ECPAS: variants seen among roughly 807,000 people sequenced by gnomAD.
ECPAS encodes the protein Ecm29 proteasome adaptor and scaffold.
A neutral mutation model predicts 255.1 loss-of-function variants in ECPAS; 70 were observed. The observed-to-expected ratio is 0.27, with a 90% confidence interval of 0.23 to 0.33. The LOEUF (loss-of-function observed/expected upper bound fraction) is 0.33. Among genes scored for constraint, ECPAS ranks in the 10% least tolerant of loss-of-function variants. ECPAS has a pLI of 1.00. For missense variants in ECPAS, 1,817 were observed against 2,206.4 expected, an observed-to-expected ratio of 0.82 and a Z score of 3.54; for synonymous variants, 784 against 775.0, an observed-to-expected ratio of 1.01 and a Z score of -0.19.
intron 48 of ECPAS, 115 bp from the exon 49 acceptor site, chr9:111,363,774 T>C (rs2297526): frequency 0.11 from 69,397 of 611,984 alleles, 5,820 homozygotes; most frequent in East Asian, 0.29. Context: ...GGGAAGGGTA[T>C]ATCTGATTTT....
chr9:111,382,839 C>A (rs921884569), intron 35 of ECPAS, among the ~76,000 whole-genome samples: 1 of 152,188 alleles, frequency 6.6e-6, no homozygotes, highest in African/African-American at 2.4e-5. Context: ...CGTGTAAGTA[C>A]ATTTTTTGAA....
chr9:111,404,813 CA>C (rs35277070), intron 24 of ECPAS, among the ~76,000 whole-genome samples: 1,494 of 52,808 alleles, frequency 0.028, 8 homozygotes, highest in Non-Finnish European at 0.038. Flanking sequence ...TAATAGCTAC[CA>C]AAAAAAAAAA....
chr9:111,391,694 G>T, intron 29 of ECPAS, 62 bp downstream of exon 29: 1 of 1,024,692 alleles, frequency 9.8e-7, no homozygotes. Flanking sequence ...CTATTTACCA[G>T]ACTAATAAAT....
chr9:111,433,222 G>C lies in ECPAS; in HGVS notation c.848+11C>G, dbSNP rs778153661. ...CCTTTCAATCTTGAAAGTTTACAGG[G>C]AAGTAGTTACCTCTGTTTGCTTTTC... On this transcript the variant is annotated intron_variant, in intron 8 of 49. Coordinates refer to ENST00000684092, the MANE Select transcript of ECPAS (RefSeq NM_001364929.1). 6.2e-7 allele frequency: 1 copy of C among 1,612,224 alleles called. No homozygotes were observed. The highest frequency in any genetic ancestry group is 1.7e-5 in the Admixed American group (1 of 59,912).
chr9:111,466,251 G>C (rs561114077), intron 2 of ECPAS, among the ~76,000 whole-genome samples: 47 of 152,132 alleles, frequency 3.1e-4, no homozygotes, highest in African/African-American at 1.1e-3. Context: ...TTCAAGACCA[G>C]CCAGGCCAAC....
chr9:111,461,609 G>A (rs1273601882), intron 2 of ECPAS, among the ~76,000 whole-genome samples: 1 of 152,212 alleles, frequency 6.6e-6, no homozygotes, highest in Non-Finnish European at 1.5e-5. Flanking sequence ...AGGTGTCACT[G>A]CAATGTAGTG....
At chr9:111,394,131 C>A in intron 26 of ECPAS, 29 bp downstream of exon 26, 1 of 1,561,824 alleles carries the variant, frequency 6.4e-7, no homozygotes, top group East Asian at 2.3e-5. Flanking sequence ...TGGTTTCCAA[C>A]AGGGCTGACC....
At chr9:111,428,498 TCTA>T (rs2098224967) in intron 9 of ECPAS, among the ~76,000 whole-genome samples, 1 of 152,216 alleles carries the variant, frequency 6.6e-6, no homozygotes, top group South Asian at 2.1e-4. Flanking sequence ...TTTTACATTG[TCTA>T]CTAATCTCTT....
intron 1 of ECPAS, 36 bp downstream of exon 1, chr9:111,484,080 G>C: frequency 8.1e-7 from 1 of 1,239,402 alleles, no homozygotes; most frequent in Non-Finnish European, 1.0e-6. Flanking sequence ...GCGCGCGCAG[G>C]GCCAGTCCCC....
Position 111,410,102 on chromosome 9 carries a change from G to C in ECPAS, c.2489C>G (p.Thr830Ser), listed in dbSNP as rs2098191537. Residue 830 changes from threonine to serine, a missense_variant, in exon 23 of 50, where the codon ACC becomes AGC. Transcript: ENST00000684092. ...LPIPSEGSGF[T>S]KLHLVESLLS... ...TAAGCTTTCTACAAGATGCAATTTG[G>C]TAAAGCCAGATCCCTCACTGGGGAT... The C allele has an allele frequency of 6.2e-7, 1 of 1,600,884 alleles. No individual in the cohort carries two copies. The highest frequency in any genetic ancestry group is 1.3e-5 in the African/African-American group (1 of 74,832).
chr9:111,437,809 A>C (rs954118726), intron 6 of ECPAS, among the ~76,000 whole-genome samples: 3 of 152,220 alleles, frequency 2.0e-5, no homozygotes, highest in African/African-American at 7.2e-5. Flanking sequence ...AAGACCTCTA[A>C]GAAATTCATT....
At chr9:111,466,439 C>T (rs887725702) in intron 2 of ECPAS, among the ~76,000 whole-genome samples, 4 of 150,910 alleles carry the variant, frequency 2.7e-5, no homozygotes, top group Admixed American at 6.6e-5. Flanking sequence ...AGCGAGACTC[C>T]GTCTCAAAAA....
chr9:111,450,111 C>T (rs980568009), intron 3 of ECPAS, among the ~76,000 whole-genome samples: 31 of 152,088 alleles, frequency 2.0e-4, no homozygotes, highest in Admixed American at 2.0e-3. Flanking sequence ...ATACTGATTT[C>T]CCCAACTAGG....
chr9:111,427,160 G>GGA (rs1554792101), intron 10 of ECPAS, among the ~76,000 whole-genome samples: 1 of 139,648 alleles, frequency 7.2e-6, no homozygotes, highest in East Asian at 2.1e-4. Flanking sequence ...CCCTGTCTCA[G>GGA]AAAAAAAAAA....
chr9:111,365,042 G>A (rs933809326), intron 48 of ECPAS, among the ~76,000 whole-genome samples: 2 of 151,434 alleles, frequency 1.3e-5, no homozygotes, highest in South Asian at 2.1e-4. Context: ...AGGCCAAGGC[G>A]GGCAGATCAC....
chr9:111,475,736 C>CA (rs1285853583), intron 1 of ECPAS, among the ~76,000 whole-genome samples: 3,650 of 93,908 alleles, frequency 0.039, 92 homozygotes, highest in African/African-American at 0.1. Context: ...ACTCTAGTTT[C>CA]AAAAAAAAAA....
At chr9:111,442,474 T>C in intron 4 of ECPAS, 50 bp from the exon 5 acceptor site, 1 of 1,070,276 alleles carries the variant, frequency 9.3e-7, no homozygotes. Context: ...TACTCTATGA[T>C]TTCAATGAAA....
chr9:111,433,569 T>C (rs2098233255), intron 7 of ECPAS, among the ~76,000 whole-genome samples, 197 bp from the exon 8 acceptor site: 1 of 152,132 alleles, frequency 6.6e-6, no homozygotes, highest in Non-Finnish European at 1.5e-5. Flanking sequence ...ATCCTCACAA[T>C]AATAAATCAA....
intron 24 of ECPAS, among the ~76,000 whole-genome samples, chr9:111,402,295 G>A (rs1383464687): frequency 6.6e-6 from 1 of 152,116 alleles, no homozygotes; most frequent in Non-Finnish European, 1.5e-5. Flanking sequence ...ACTTTCCTGG[G>A]TAAACAAAAG....
Sources: gnomAD v4.1 joint callset for allele counts (sites outside exome capture counted in the v4.1 genomes callset) on GRCh38, gnomAD v4.1.1 for gene constraint, MANE v1.5 for transcripts, NCBI Gene and HGNC (gene_info 2026-07-23, HGNC 2026-07-21) for gene names.